The following NR2F1-AS1 variants were observed in gnomAD, a reference collection of about 807,000 sequenced individuals.
The protein encoded by NR2F1-AS1 is NR2F1 antisense RNA 1.
At chr5:93,584,145 G>C (rs1208791885), upstream of NR2F1-AS1, 1 of 149,740 alleles carries the variant, frequency 6.7e-6, no homozygotes, top group Non-Finnish European at 1.5e-5. Flanking sequence ...GCCCGGCGAG[G>C]GCTCCCGCCG....
At chr5:93,489,624 C>T (rs1457906148) in intron 4 of NR2F1-AS1, among the ~76,000 whole-genome samples, 1 of 151,942 alleles carries the variant, frequency 6.6e-6, no homozygotes, top group African/African-American at 2.4e-5. Flanking sequence ...AACACAAAGC[C>T]ACAATAGAAG....
intron 4 of NR2F1-AS1, among the ~76,000 whole-genome samples, chr5:93,453,525 C>T (rs1019358461): frequency 5.9e-5 from 9 of 151,748 alleles, no homozygotes; most frequent in African/African-American, 2.2e-4. Context: ...AATATCATAA[C>T]ATCATACCAA....
intron 4 of NR2F1-AS1, among the ~76,000 whole-genome samples, chr5:93,494,571 C>T (rs147100118): frequency 1.3e-5 from 2 of 152,188 alleles, no homozygotes; most frequent in East Asian, 1.9e-4. Flanking sequence ...GCCAAAATCA[C>T]GCCACTGCAC....
At chr5:93,514,839 CT>C (rs1195708067) in intron 4 of NR2F1-AS1, among the ~76,000 whole-genome samples, 3 of 151,860 alleles carry the variant, frequency 2.0e-5, no homozygotes, top group African/African-American at 7.2e-5. Context: ...CCAAAATATC[CT>C]TTTTAAAAAT....
chr5:93,429,111 G>A (rs1332201497), intron 4 of NR2F1-AS1, among the ~76,000 whole-genome samples: 1 of 152,130 alleles, frequency 6.6e-6, no homozygotes, highest in Non-Finnish European at 1.5e-5. Flanking sequence ...AGTGTTTGAT[G>A]TATGATACTT....
intron 4 of NR2F1-AS1, among the ~76,000 whole-genome samples, chr5:93,414,253 G>C (rs970617999): frequency 2.6e-5 from 4 of 152,086 alleles, no homozygotes; most frequent in Non-Finnish European, 5.9e-5. Flanking sequence ...CAATGTTTTT[G>C]TTAGCATGTA....
At chr5:93,423,575 T>C (rs1054103711) in intron 4 of NR2F1-AS1, among the ~76,000 whole-genome samples, 2 of 152,200 alleles carry the variant, frequency 1.3e-5, no homozygotes, top group South Asian at 2.1e-4. Context: ...GGCACTCTTG[T>C]AAGTCACTGA....
At chr5:93,427,535 C>A (rs1454193091) in intron 4 of NR2F1-AS1, among the ~76,000 whole-genome samples, 1 of 152,184 alleles carries the variant, frequency 6.6e-6, no homozygotes, top group African/African-American at 2.4e-5. Context: ...TTGTAAACTT[C>A]CTGTTACCCA....
chr5:93,454,696 C>G (rs922207380), intron 4 of NR2F1-AS1, among the ~76,000 whole-genome samples: 1 of 152,132 alleles, frequency 6.6e-6, no homozygotes, highest in African/African-American at 2.4e-5. Flanking sequence ...CCTCAGATCT[C>G]CGGGGATGGG....
intron 1 of NR2F1-AS1, among the ~76,000 whole-genome samples, chr5:93,564,369 T>C (rs1410512256): frequency 6.6e-6 from 1 of 152,094 alleles, no homozygotes; most frequent in East Asian, 1.9e-4. Context: ...TACATTGCTA[T>C]TTTTTCATAG....
intron 4 of NR2F1-AS1, among the ~76,000 whole-genome samples, chr5:93,524,365 C>A (rs1751566643): frequency 6.6e-6 from 1 of 152,056 alleles, no homozygotes; most frequent in South Asian, 2.1e-4. Context: ...TGTGAATAGA[C>A]CAAACCTGCG....
chr5:93,585,149 G>A (rs1469585254), upstream of NR2F1-AS1: 2 of 1,141,680 alleles, frequency 1.8e-6, no homozygotes, highest in Non-Finnish European at 2.1e-6. Context: ...AGCAGCAGCA[G>A]CAGGCGGGCT....
At chr5:93,514,752 T>C (rs1751368650) in intron 4 of NR2F1-AS1, among the ~76,000 whole-genome samples, 1 of 152,078 alleles carries the variant, frequency 6.6e-6, no homozygotes, top group Non-Finnish European at 1.5e-5. Context: ...CAATTAATTT[T>C]TTAGAACTTT....
intron 1 of NR2F1-AS1, among the ~76,000 whole-genome samples, chr5:93,567,770 C>T (rs1199647872): frequency 6.6e-6 from 1 of 152,136 alleles, no homozygotes; most frequent in East Asian, 1.9e-4. Flanking sequence ...TTGCCTATTT[C>T]GTCAAATAAA....
intron 4 of NR2F1-AS1, among the ~76,000 whole-genome samples, chr5:93,463,689 G>A (rs533451922): frequency 6.6e-6 from 1 of 152,358 alleles, no homozygotes; most frequent in African/African-American, 2.4e-5. Context: ...ACCCACTCTT[G>A]CATCAGCATG....
At chr5:93,507,270 T>C (rs910663989) in intron 4 of NR2F1-AS1, among the ~76,000 whole-genome samples, 1 of 152,268 alleles carries the variant, frequency 6.6e-6, no homozygotes, top group Non-Finnish European at 1.5e-5. Context: ...TGTGTGTTAG[T>C]ACTGCTTCTA....
chr5:93,555,878 A>T (rs1220078140), intron 2 of NR2F1-AS1, among the ~76,000 whole-genome samples: 2 of 152,240 alleles, frequency 1.3e-5, no homozygotes, highest in Non-Finnish European at 1.5e-5. Context: ...AATGAGTAGT[A>T]GCATTAGAGG....
intron 4 of NR2F1-AS1, among the ~76,000 whole-genome samples, chr5:93,545,495 A>C (rs1752063377): frequency 6.6e-6 from 1 of 152,254 alleles, no homozygotes; most frequent in East Asian, 1.9e-4. Context: ...GAAGAGTCAC[A>C]AAATAGAAAC....
chr5:93,423,466 T>C (rs1158091636), intron 4 of NR2F1-AS1, among the ~76,000 whole-genome samples: 1 of 152,074 alleles, frequency 6.6e-6, no homozygotes, highest in African/African-American at 2.4e-5. Context: ...GGAATGGCCA[T>C]AAAACAGACA....
Sources: allele counts gnomAD v4.1 joint callset (sites outside exome capture counted in the v4.1 genomes callset), GRCh38; gene constraint gnomAD v4.1.1; transcripts MANE v1.5; gene names NCBI Gene and HGNC (gene_info 2026-07-23, HGNC 2026-07-21).